The following PCAT7 variants were observed in gnomAD, a reference collection of about 807,000 sequenced individuals.
PCAT7 encodes the protein prostate cancer associated transcript 7 (non-protein coding).
chr9:94,555,240 C>T (rs1247865171), exon 1 of PCAT7: 1 of 152,006 alleles, frequency 6.6e-6, no homozygotes, highest in African/African-American at 2.4e-5. Context: ...AGGCTTGAGC[C>T]GCGGCACCGT....
chr9:94,559,428 A>C (rs994303343), intron 2 of PCAT7, among the ~76,000 whole-genome samples: 1 of 152,144 alleles, frequency 6.6e-6, no homozygotes, highest in Non-Finnish European at 1.5e-5. Context: ...TGGAAATATG[A>C]GATCTAGGCA....
intron 1 of PCAT7, among the ~76,000 whole-genome samples, chr9:94,556,283 G>C (rs553367059): frequency 4.6e-5 from 7 of 151,608 alleles, no homozygotes; most frequent in African/African-American, 1.7e-4. Flanking sequence ...GGTGGCCAGG[G>C]AGAAGGGGGA....
At chr9:94,563,456 G>T (rs758492137) in intron 2 of PCAT7, 1 of 1,613,370 alleles carries the variant, frequency 6.2e-7, no homozygotes, top group Non-Finnish European at 8.5e-7. Flanking sequence ...AGGGAGCACT[G>T]CCATCCTAGA....
Position 94,569,062 on chromosome 9 carries a change from CTG to C in PCAT7, n.442-3915_442-3914del, listed in dbSNP as rs1387315306. The C allele has an allele frequency of 3.9e-5, 6 of 152,390 alleles. No individual in the cohort carries two copies. In the East Asian group the frequency reaches 9.6e-4, roughly 24 times the overall value. The allele number at this position is 152,390 out of a possible 1,614,324, so 9.4% of individuals were successfully genotyped here. A position where few individuals can be genotyped will look rare whatever the true frequency, so the allele number is the denominator to read the frequency against. On this transcript the variant is annotated intron_variant and non_coding_transcript_variant, in intron 2 of 8. Transcript: ENST00000647389. ...ATGACCTTTAACTTGCTGTGGGTGT[CTG>C]TTGCTTTGGAGCAGCCCAGCGCTGA... is the stretch of plus-strand genomic sequence containing the variant.
chr9:94,562,415 C>T (rs1219519580), intron 2 of PCAT7, among the ~76,000 whole-genome samples: 1 of 151,778 alleles, frequency 6.6e-6, no homozygotes, highest in African/African-American at 2.4e-5. Flanking sequence ...CTTCTGCAGG[C>T]TTATCAGTGT....
chr9:94,555,583 GA>G (rs200439898), intron 1 of PCAT7, among the ~76,000 whole-genome samples: 3,855 of 148,556 alleles, frequency 0.026, 89 homozygotes, highest in East Asian at 0.039. Context: ...AAAGAGTGGT[GA>G]GGGGGGGAAA....
At chr9:94,564,360 T>A (rs1448711163) in intron 2 of PCAT7, among the ~76,000 whole-genome samples, 2 of 152,166 alleles carry the variant, frequency 1.3e-5, no homozygotes, top group Non-Finnish European at 2.9e-5. Context: ...CACATGCACA[T>A]GTATGTTCAC....
intron 2 of PCAT7, among the ~76,000 whole-genome samples, chr9:94,572,500 G>T (rs1460861286): frequency 6.6e-6 from 1 of 152,192 alleles, no homozygotes; most frequent in Non-Finnish European, 1.5e-5. Flanking sequence ...CTGACCTCAT[G>T]GTCTGGTCTT....
intron 2 of PCAT7, chr9:94,568,330 C>G (rs558163370): frequency 6.6e-6 from 1 of 152,158 alleles, no homozygotes; most frequent in South Asian, 2.1e-4. Flanking sequence ...GTGCCCAGTC[C>G]CTCTCCACAA....
intron 2 of PCAT7, among the ~76,000 whole-genome samples, chr9:94,561,352 A>ACTTTTTTTTTTTTTTTTTTTTTTTT (rs1827097696): frequency 1.8e-5 from 1 of 54,970 alleles, no homozygotes; most frequent in African/African-American, 7.8e-5. Context: ...TGTGACCTGT[A>ACTTTTTTTTTTTTTTTTTTTTTTTT]TTTTTTTTTT....
intron 1 of PCAT7, among the ~76,000 whole-genome samples, chr9:94,557,951 G>T (rs1751743430): frequency 6.6e-6 from 1 of 152,146 alleles, no homozygotes; most frequent in Non-Finnish European, 1.5e-5. Context: ...ACACCAGTTA[G>T]TCCCTAGAAT....
chr9:94,558,855 G>GCTA, intron 1 of PCAT7: 1 of 1,297,284 alleles, frequency 7.7e-7, no homozygotes. Context: ...TATACTCATA[G>GCTA]CTACCATCTC....
chr9:94,560,965 TA>T (rs35548100), intron 2 of PCAT7, among the ~76,000 whole-genome samples: 1 of 151,896 alleles, frequency 6.6e-6, no homozygotes, highest in Non-Finnish European at 1.5e-5. Context: ...CAGAAGGGTG[TA>T]AAAAAGTTGT....
intron 2 of PCAT7, chr9:94,563,242 A>T: frequency 7.5e-7 from 1 of 1,337,924 alleles, no homozygotes; most frequent in Non-Finnish European, 1.0e-6. Context: ...CCACACAGAC[A>T]TGCCATGAAG....
At chr9:94,572,854 A>C (rs1052767746) in intron 2 of PCAT7, 3 of 152,226 alleles carry the variant, frequency 2.0e-5, no homozygotes, top group African/African-American at 7.2e-5. Flanking sequence ...TTAAAATGTA[A>C]TTATAATTAC....
In PCAT7 at chr9:94,560,201, A is replaced by G. The variant is rs574629287; in HGVS notation, n.441+1049A>G. 1.2e-3 allele frequency among the ~76,000 whole-genome samples: 189 copies of G among 152,312 alleles called. 1 individual carries two copies. The highest frequency in any genetic ancestry group is 4.4e-3 in the African/African-American group (185 of 41,576). On this transcript the variant is annotated intron_variant and non_coding_transcript_variant, in intron 2 of 8. Transcript: ENST00000647389. ...CCAGCCGAGGGCAGAAACTGGGTTG[A>G]AATCAGCCTGTGCCCTGCTTGCCAG...
At chr9:94,558,965 A>G (rs778240344) in intron 1 of PCAT7, 1 of 1,614,136 alleles carries the variant, frequency 6.2e-7, no homozygotes, top group South Asian at 1.1e-5. Flanking sequence ...TTTTCTGCAC[A>G]CAGGTGAGAT....
chr9:94,557,693 G>A (rs537785536), intron 1 of PCAT7, among the ~76,000 whole-genome samples: 1 of 152,366 alleles, frequency 6.6e-6, no homozygotes, highest in East Asian at 1.9e-4. Flanking sequence ...TACTGTAATA[G>A]ATTTTTCCGT....
At chr9:94,554,851 C>T (rs1424518287), upstream of PCAT7, among the ~76,000 whole-genome samples, 1 of 152,174 alleles carries the variant, frequency 6.6e-6, no homozygotes, top group Non-Finnish European at 1.5e-5. Flanking sequence ...AAGCCGGGTA[C>T]GTAGTAGCTC....
Sources: gnomAD v4.1 joint callset for allele counts (sites outside exome capture counted in the v4.1 genomes callset) on GRCh38, gnomAD v4.1.1 for gene constraint, MANE v1.5 for transcripts, NCBI Gene and HGNC (gene_info 2026-07-23, HGNC 2026-07-21) for gene names.